The following TULP4 variants were observed in gnomAD, a reference collection of about 807,000 sequenced individuals.
TULP4 encodes TUB like protein 4, also known as tubby-related protein 4.
TULP4 carries 16 observed loss-of-function variants against 129.0 expected under a neutral mutation model. That is an observed-to-expected ratio of 0.12 (90% CI 0.08 to 0.19). The LOEUF (loss-of-function observed/expected upper bound fraction) is 0.19. Ranked by LOEUF, TULP4 falls within the 10% of genes least tolerant of loss-of-function variation. TULP4 has a pLI of 1.00. For synonymous variants in TULP4, 998 were observed against 854.0 expected, an observed-to-expected ratio of 1.17 and a Z score of -2.94; for missense variants, 1,842 against 2,059.1, an observed-to-expected ratio of 0.89 and a Z score of 2.04.
At chr6:158,302,908 A>C (rs943990622) in intron 1 of TULP4, among the ~76,000 whole-genome samples, 3 of 151,858 alleles carry the variant, frequency 2.0e-5, no homozygotes, top group Non-Finnish European at 4.4e-5. Flanking sequence ...CCTCAGGGCC[A>C]GTGCAAGGCA....
At chr6:158,389,818 G>T (rs958639593) in intron 1 of TULP4, among the ~76,000 whole-genome samples, 11 of 152,158 alleles carry the variant, frequency 7.2e-5, no homozygotes, top group Non-Finnish European at 1.3e-4. Context: ...GTAAAGTAAA[G>T]CCTGGTTAAT....
At chr6:158,501,531 C>A in intron 12 of TULP4, 147 bp from the exon 13 acceptor site, 1 of 798,726 alleles carries the variant, frequency 1.3e-6, no homozygotes, top group Non-Finnish European at 1.9e-6. Flanking sequence ...AGCAGGCCAG[C>A]TTTCCCCAAG....
At chr6:158,253,782 C>G (rs563250260) in intron 1 of TULP4, among the ~76,000 whole-genome samples, 1 of 152,302 alleles carries the variant, frequency 6.6e-6, no homozygotes, top group African/African-American at 2.4e-5. Flanking sequence ...TGCCTTTAAT[C>G]CCAGCACTTT....
chr6:158,274,578 C>T (rs1011730609), intron 1 of TULP4, among the ~76,000 whole-genome samples: 3 of 152,114 alleles, frequency 2.0e-5, no homozygotes, highest in Non-Finnish European at 2.9e-5. Context: ...AGATCGAGAC[C>T]ATCCTGGCTA....
intron 6 of TULP4, among the ~76,000 whole-genome samples, chr6:158,463,548 A>G (rs1342914782): frequency 1.3e-5 from 2 of 151,984 alleles, no homozygotes; most frequent in African/African-American, 4.8e-5. Context: ...CCTAATGTAA[A>G]TGATGAGTAA....
chr6:158,291,437 GTCTTTTCCTTT>G (rs1461713876), intron 1 of TULP4, among the ~76,000 whole-genome samples: 2 of 152,262 alleles, frequency 1.3e-5, no homozygotes, highest in African/African-American at 4.8e-5. Flanking sequence ...GTAAGCACCT[GTCTTTTCCTTT>G]TGGCTACTTC....
intron 8 of TULP4, among the ~76,000 whole-genome samples, chr6:158,487,258 C>CA (rs1384609867): frequency 6.6e-6 from 1 of 151,904 alleles, no homozygotes; most frequent in Non-Finnish European, 1.5e-5. Context: ...GACTCCATCT[C>CA]AAAAAATAAG....
chr6:158,258,541 G>A (rs1293358077), intron 1 of TULP4, among the ~76,000 whole-genome samples: 1 of 152,184 alleles, frequency 6.6e-6, no homozygotes, highest in Non-Finnish European at 1.5e-5. Flanking sequence ...AAGTCGTTGA[G>A]GTTCAGCAGA....
At chr6:158,481,481 C>A in intron 8 of TULP4, 192 bp downstream of exon 8, 1 of 635,358 alleles carries the variant, frequency 1.6e-6, no homozygotes, top group South Asian at 1.9e-5. Context: ...TACTTTTTGA[C>A]AGGTTTTTAA....
chr6:158,272,727 C>G (rs765625449), intron 1 of TULP4, among the ~76,000 whole-genome samples: 8 of 152,144 alleles, frequency 5.3e-5, no homozygotes, highest in Non-Finnish European at 1.2e-4. Context: ...CTGTCAGCCT[C>G]CTGAGTTCCC....
At chr6:158,306,029 G>A (rs1779212298) in intron 1 of TULP4, among the ~76,000 whole-genome samples, 1 of 152,014 alleles carries the variant, frequency 6.6e-6, no homozygotes, top group Admixed American at 6.6e-5. Context: ...CAGGAATTCG[G>A]ATGCTTTGAT....
At chr6:158,281,236 G>A (rs1475106923), upstream of TULP4, among the ~76,000 whole-genome samples, 1 of 148,586 alleles carries the variant, frequency 6.7e-6, no homozygotes. Flanking sequence ...TTTTTGAGAC[G>A]GAGTTTTGCT....
At chr6:158,266,776 A>G (rs9356554) in intron 1 of TULP4, among the ~76,000 whole-genome samples, 49,997 of 152,048 alleles carry the variant, frequency 0.33, 9,210 homozygotes, top group Admixed American at 0.45. Flanking sequence ...TATATGAGAG[A>G]CTTGAACATT....
chr6:158,439,136 A>G (rs1434677618), intron 3 of TULP4, among the ~76,000 whole-genome samples: 1 of 151,388 alleles, frequency 6.6e-6, no homozygotes, highest in Admixed American at 6.6e-5. Context: ...GCGCCACTGC[A>G]TTCCAGCCTG....
chr6:158,373,142 G>C (rs1391153418), intron 1 of TULP4, among the ~76,000 whole-genome samples: 2 of 152,188 alleles, frequency 1.3e-5, no homozygotes, highest in Non-Finnish European at 2.9e-5. Flanking sequence ...TTAAACATCA[G>C]TGAAAATGTA....
chr6:158,374,102 A>C (rs1348818591), intron 1 of TULP4, among the ~76,000 whole-genome samples: 1 of 152,142 alleles, frequency 6.6e-6, no homozygotes, highest in Non-Finnish European at 1.5e-5. Flanking sequence ...AATGATGCAA[A>C]GTCCTGCTCA....
Position 158,413,120 on chromosome 6 carries a change from A to T in TULP4, c.308A>T (p.Asp103Val). The change falls in exon 2 of 14, where the codon GAC becomes GTC. Residue 103 changes from aspartate to valine, a missense_variant. Physicochemically the swap from Asp to Val is radical, Grantham distance 152. Coordinates refer to ENST00000367097, the MANE Select transcript of TULP4 (RefSeq NM_020245.5). This position sits in a 1 kb window ranked among gnomAD's most constrained non-coding sequence, Gnocchi z 4.9. ...PYQKLATCDA[D>V]GGIFVWIQYE... ...CAGAAACTGGCCACGTGCGATGCGG[A>T]CGGAGGCATATTCGTGTGGATTCAG... The T allele has an allele frequency of 6.2e-7, 1 of 1,613,908 alleles. No individual in the cohort carries two copies. Among genetic ancestry groups the T allele is most frequent in the Non-Finnish European group, 8.5e-7 (1 of 1,179,880 alleles).
intron 1 of TULP4, among the ~76,000 whole-genome samples, chr6:158,297,314 C>G (rs1779052169): frequency 6.6e-6 from 1 of 152,160 alleles, no homozygotes; most frequent in Non-Finnish European, 1.5e-5. Context: ...TTATGGTTGT[C>G]TTGCATTGTT....
In TULP4 at chr6:158,502,789, CA is replaced by C; in HGVS notation, c.3127del (p.Thr1043GlnfsTer29). On this transcript the variant is annotated frameshift_variant, in exon 13 of 14. Transcript: ENST00000367097. LOFTEE classifies it high-confidence loss of function. Reference protein sequence around the residue: ...ALYTCSQCSGTGPSSQPGASL... With the variant: ...ALYTCSQCSGXGPSSQPGASL... ...TGTACACCTGCAGTCAGTGCAGTGG[CA>C]CAGGGCCCAGCTCACAGCCCGGAGC... 6.2e-7 allele frequency: 1 copy of C among 1,609,418 alleles called. No homozygotes were observed. Among genetic ancestry groups the C allele is most frequent in the Non-Finnish European group, 8.5e-7 (1 of 1,179,504 alleles).
Sources: gnomAD v4.1 joint callset for allele counts (sites outside exome capture counted in the v4.1 genomes callset) on GRCh38, gnomAD v4.1.1 for gene constraint, Gnocchi (gnomAD v3.1) non-coding constraint, MANE v1.5 for transcripts, NCBI Gene and HGNC (gene_info 2026-07-23, HGNC 2026-07-21) for gene names.